The following BBX variants were observed in gnomAD, a reference collection of about 807,000 sequenced individuals.
BBX encodes HMG box transcription factor BBX.
In BBX, 30 loss-of-function variants were observed where a neutral mutation model predicts 100.2. That is an observed-to-expected ratio of 0.30 (90% confidence interval 0.22 to 0.41). The LOEUF is 0.41. Among genes scored for constraint, BBX ranks in the 10% least tolerant of loss-of-function variants. The pLI, the probability that BBX is intolerant of heterozygous loss-of-function variation, is 1.00. For missense variants in BBX, 1,023 were observed against 1,129.8 expected (o/e 0.91, Z 1.35); for synonymous variants, 376 against 388.1 (o/e 0.97, Z 0.37).
At chr3:107,748,080 G>T (rs1263700865) in intron 9 of BBX, 41 bp downstream of exon 9, 3 of 1,528,158 alleles carry the variant, frequency 2.0e-6, no homozygotes, top group East Asian at 2.3e-5. Context: ...AAGAAAACTT[G>T]TTGAGCTCAG....
At chr3:107,577,145 G>T (rs1005723959) in intron 2 of BBX, among the ~76,000 whole-genome samples, 1 of 152,070 alleles carries the variant, frequency 6.6e-6, no homozygotes, top group Non-Finnish European at 1.5e-5. Flanking sequence ...AGGTGTAAGC[G>T]CTACCGTGCC....
At chr3:107,799,972 T>G (rs1576879674) in intron 16 of BBX, among the ~76,000 whole-genome samples, 1 of 152,350 alleles carries the variant, frequency 6.6e-6, no homozygotes, top group East Asian at 1.9e-4. Flanking sequence ...TTATTTTATG[T>G]GATTTGGGTT....
chr3:107,645,174 T>C (rs554288555), intron 2 of BBX, among the ~76,000 whole-genome samples: 1 of 152,310 alleles, frequency 6.6e-6, no homozygotes, highest in East Asian at 1.9e-4. Flanking sequence ...TTTGAATTCT[T>C]AGAAATGATA....
intron 3 of BBX, among the ~76,000 whole-genome samples, chr3:107,648,618 T>C (rs543744836): frequency 2.9e-4 from 44 of 152,258 alleles, no homozygotes; most frequent in Admixed American, 5.2e-4. Context: ...ATCATTCTAG[T>C]GATGAAGAAT....
intron 7 of BBX, among the ~76,000 whole-genome samples, chr3:107,736,826 G>C (rs1451714618): frequency 1.3e-5 from 2 of 152,084 alleles, no homozygotes; most frequent in African/African-American, 4.8e-5. Flanking sequence ...ATCTTGGCTA[G>C]AACAGAAGGA....
At chr3:107,637,691 T>C (rs1447684715) in intron 2 of BBX, among the ~76,000 whole-genome samples, 1 of 152,140 alleles carries the variant, frequency 6.6e-6, no homozygotes, top group Non-Finnish European at 1.5e-5. Flanking sequence ...CAGTGTGAAG[T>C]CATGAGAAAA....
intron 11 of BBX, among the ~76,000 whole-genome samples, chr3:107,774,404 C>T (rs781360118): frequency 1.1e-4 from 17 of 152,106 alleles, no homozygotes; most frequent in Non-Finnish European, 2.4e-4. Flanking sequence ...CTGAATAGTG[C>T]CCACCAGCAA....
At chr3:107,653,686 T>C (rs2057976669) in intron 3 of BBX, among the ~76,000 whole-genome samples, 1 of 152,178 alleles carries the variant, frequency 6.6e-6, no homozygotes, top group Admixed American at 6.5e-5. Context: ...CGTAAAGCAA[T>C]TTATTACCAA....
intron 2 of BBX, among the ~76,000 whole-genome samples, chr3:107,536,922 A>C (rs2048536208): frequency 6.6e-6 from 1 of 152,222 alleles, no homozygotes; most frequent in African/African-American, 2.4e-5. Context: ...AATAGTGCTG[A>C]GTAAATATCT....
intron 2 of BBX, among the ~76,000 whole-genome samples, chr3:107,535,045 T>C (rs1201438825): frequency 2.6e-5 from 4 of 152,218 alleles, no homozygotes; most frequent in Non-Finnish European, 5.9e-5. Flanking sequence ...TCGATTTTAA[T>C]GACAAGGAAA....
At chr3:107,533,381 G>C (rs1266918277) in intron 2 of BBX, among the ~76,000 whole-genome samples, 1 of 152,150 alleles carries the variant, frequency 6.6e-6, no homozygotes, top group African/African-American at 2.4e-5. Flanking sequence ...TAAGTTCCTT[G>C]CCAGCTAACA....
At chr3:107,804,798 T>C (rs2070915658) in intron 17 of BBX, among the ~76,000 whole-genome samples, 1 of 151,202 alleles carries the variant, frequency 6.6e-6, no homozygotes, top group South Asian at 2.1e-4. Context: ...GAGGGTTTTA[T>C]TGTTTCTTCA....
intron 6 of BBX, among the ~76,000 whole-genome samples, chr3:107,730,309 CT>C (rs2063226055): frequency 6.6e-6 from 1 of 152,054 alleles, no homozygotes; most frequent in South Asian, 2.1e-4. Flanking sequence ...GGTGAGTTTT[CT>C]GGACTTCCCA....
intron 2 of BBX, among the ~76,000 whole-genome samples, chr3:107,600,161 A>G (rs2053965982): frequency 6.6e-6 from 1 of 152,232 alleles, no homozygotes; most frequent in African/African-American, 2.4e-5. Context: ...CCTTTTGAAC[A>G]CACATGCATG....
intron 10 of BBX, among the ~76,000 whole-genome samples, chr3:107,757,299 A>G (rs1182089958): frequency 6.6e-6 from 1 of 152,098 alleles, no homozygotes; most frequent in Admixed American, 6.5e-5. Context: ...CATAGCAGTC[A>G]TAAAAAAAGG....
intron 13 of BBX, among the ~76,000 whole-genome samples, chr3:107,779,357 T>C (rs1216115145): frequency 6.6e-6 from 1 of 152,052 alleles, no homozygotes; most frequent in Non-Finnish European, 1.5e-5. Flanking sequence ...TTGAGAAACT[T>C]ACCTTCTGAT....
intron 3 of BBX, among the ~76,000 whole-genome samples, chr3:107,665,431 A>T (rs1172085497): frequency 6.6e-6 from 1 of 152,114 alleles, no homozygotes; most frequent in Non-Finnish European, 1.5e-5. Flanking sequence ...TCTATCTTCT[A>T]ATTGAAATGA....
chr3:107,675,373 A>G (rs2059230036), intron 3 of BBX, among the ~76,000 whole-genome samples: 3 of 152,124 alleles, frequency 2.0e-5, no homozygotes, highest in Non-Finnish European at 4.4e-5. Flanking sequence ...CAGCTAGTTT[A>G]AGGACTGTGC....
At chr3:107,733,069 G>A (rs774614412) in intron 7 of BBX, 46 bp downstream of exon 7, 1 of 1,534,390 alleles carries the variant, frequency 6.5e-7, no homozygotes, top group South Asian at 1.1e-5. Context: ...ACTGTGGGTT[G>A]GGAACACAGT....
Sources: allele counts gnomAD v4.1 joint callset (sites outside exome capture counted in the v4.1 genomes callset), GRCh38; gene constraint gnomAD v4.1.1; transcripts MANE v1.5; gene names NCBI Gene and HGNC (gene_info 2026-07-23, HGNC 2026-07-21).